Variants in ARHGEF12 observed in about 807,000 individuals in gnomAD.
ARHGEF12 encodes the protein Rho guanine nucleotide exchange factor 12, also known as KMT2A/ARHGEF12 fusion protein.
A neutral mutation model predicts 211.2 loss-of-function variants in ARHGEF12; 66 were observed. The observed-to-expected ratio is 0.31, with a 90% confidence interval of 0.26 to 0.38. The LOEUF (loss-of-function observed/expected upper bound fraction) is 0.38, where lower values mean the gene tolerates loss of function less well. ARHGEF12 is among the 10% of genes least tolerant of loss of function. The probability of loss-of-function intolerance (pLI) is 1.00; values close to 1 mark genes in which losing one functional copy is unlikely to be tolerated. For missense variants in ARHGEF12, 1,429 were observed against 1,869.5 expected (o/e 0.76, Z 4.34); for synonymous variants, 592 against 638.4 (o/e 0.93, Z 1.09).
At chr11:120,421,018 C>T (rs1426566962) in intron 5 of ARHGEF12, among the ~76,000 whole-genome samples, 167 bp downstream of exon 5, 2 of 152,276 alleles carry the variant, frequency 1.3e-5, no homozygotes, top group South Asian at 2.1e-4. Context: ...GAGTTTACTC[C>T]AGTTGATTTT....
At chr11:120,423,901 A>G (rs1945270312) in intron 6 of ARHGEF12, among the ~76,000 whole-genome samples, 1 of 152,224 alleles carries the variant, frequency 6.6e-6, no homozygotes, top group Non-Finnish European at 1.5e-5. Flanking sequence ...CGGTCTGAAA[A>G]TTAATTTTCT....
rs1345753333 is a variant in ARHGEF12, at chr11:120,488,067, T to C, written c.*2990T>C. On this transcript the variant is annotated 3_prime_UTR_variant, in exon 41 of 41. Transcript: ENST00000397843. ...GATGAATCCCCTTTTTAAAAAGTTG[T>C]TGTTGTTGTTGTTTATTTGATTTTG... 1 of 218,576 alleles carries C rather than the reference T, an allele frequency of 4.6e-6. No individual in the cohort carries two copies. Among genetic ancestry groups the C allele is most frequent in the East Asian group, 6.8e-5 (1 of 14,750 alleles). 13.5% of individuals were successfully genotyped at this position (218,576 alleles called of 1,614,324 possible). A position where few individuals can be genotyped will look rare whatever the true frequency, so the allele number is the denominator to read the frequency against.
At chr11:120,393,371 A>G (rs1256165578) in intron 1 of ARHGEF12, among the ~76,000 whole-genome samples, 1 of 152,236 alleles carries the variant, frequency 6.6e-6, no homozygotes, top group Non-Finnish European at 1.5e-5. Context: ...AAACACCCCA[A>G]TTAAATGTAT....
At chr11:120,474,748 G>A in intron 32 of ARHGEF12, 113 bp downstream of exon 32, 1 of 697,082 alleles carries the variant, frequency 1.4e-6, no homozygotes, top group Non-Finnish European at 2.4e-6. Context: ...AGTTTGCAGT[G>A]CTACCTCGTG....
Position 120,488,273 on chromosome 11 carries a change from G to A in ARHGEF12, c.*3196G>A, listed in dbSNP as rs1474902599. On this transcript the variant is annotated 3_prime_UTR_variant, in exon 41 of 41. Coordinates refer to ENST00000397843, the MANE Select transcript of ARHGEF12 (RefSeq NM_015313.3). ...AGTGGAAGCTTTCTTCTCTGAAGTC[G>A]ATATATGGTTTTGAATTACTAGAGC... The A allele has an allele frequency of 2.8e-5, 6 of 214,336 alleles. No homozygotes were observed. The highest frequency in any genetic ancestry group is 9.4e-6 in the Non-Finnish European group (1 of 106,222). The allele number at this position is 214,336 out of a possible 1,614,324, so 13.3% of individuals were successfully genotyped here. A position where few individuals can be genotyped will look rare whatever the true frequency, so the allele number is the denominator to read the frequency against.
At chr11:120,369,125 C>CTTTTTTTTTT (rs1183494101) in intron 1 of ARHGEF12, among the ~76,000 whole-genome samples, 2 of 127,292 alleles carry the variant, frequency 1.6e-5, no homozygotes, top group Non-Finnish European at 1.7e-5. Flanking sequence ...TTCTTTTCTT[C>CTTTTTTTTTT]TTTTTTTTTT....
intron 1 of ARHGEF12, among the ~76,000 whole-genome samples, chr11:120,384,718 A>G (rs1943977610): frequency 6.6e-6 from 1 of 152,200 alleles, no homozygotes; most frequent in Non-Finnish European, 1.5e-5. Context: ...ACAGAGTAGC[A>G]TGAAGAAATT....
intron 2 of ARHGEF12, among the ~76,000 whole-genome samples, chr11:120,406,714 A>T (rs1258051949): frequency 1.3e-5 from 2 of 152,044 alleles, no homozygotes. Flanking sequence ...GCCCGCCACC[A>T]CGCCTGGCTA....
chr11:120,428,631 TGATTGA>T (rs1945428624), intron 8 of ARHGEF12, among the ~76,000 whole-genome samples: 1 of 152,150 alleles, frequency 6.6e-6, no homozygotes, highest in African/African-American at 2.4e-5. Flanking sequence ...AAAGCTTTGT[TGATTGA>T]GATTAAGTCA....
chr11:120,440,239 T>C lies in ARHGEF12; in HGVS notation c.1092+18T>C. On this transcript the variant is annotated intron_variant, in intron 13 of 40. Coordinates refer to ENST00000397843, the MANE Select transcript of ARHGEF12 (RefSeq NM_015313.3). ...ATGAACAGGTGATGACTTTTTTCTT[T>C]CTAAAAAATAGATTGTTACTTTCTG... is the stretch of plus-strand genomic sequence containing the variant. 6.3e-7 allele frequency: 1 copy of C among 1,581,514 alleles called. No individual in the cohort carries two copies. The highest frequency in any genetic ancestry group is 8.6e-7 in the Non-Finnish European group (1 of 1,156,776).
Position 120,448,243 on chromosome 11 carries a change from G to A in ARHGEF12, c.1632G>A (p.Met544Ile). Reference sequence around the variant, plus strand: ...GTCCTTTCTCCTCCAGCTCCACCATGCAGTATGTTATTCTCATGTATATGA... The same window carrying A: ...GTCCTTTCTCCTCCAGCTCCACCATACAGTATGTTATTCTCATGTATATGA... ...QAVEEDKSST[M>I]QYVILMYMKH... Residue 544 changes from methionine (M) to isoleucine (I), a missense_variant, in exon 20 of 41, where the codon ATG becomes ATA. Met to Ile is a conservative substitution (Grantham distance 10). Coordinates refer to ENST00000397843, the MANE Select transcript of ARHGEF12 (RefSeq NM_015313.3). 6.2e-7 allele frequency: 1 copy of A among 1,612,676 alleles called. No homozygotes were observed. Among genetic ancestry groups the A allele is most frequent in the Non-Finnish European group, 8.5e-7 (1 of 1,178,934 alleles).
intron 35 of ARHGEF12, 60 bp from the exon 36 acceptor site, chr11:120,477,387 C>A: frequency 6.3e-7 from 1 of 1,578,304 alleles, no homozygotes; most frequent in Non-Finnish European, 8.6e-7. Context: ...TGTTTTGTTG[C>A]GATGATGTTT....
chr11:120,458,354 A>G, intron 25 of ARHGEF12, 120 bp downstream of exon 25: 2 of 1,145,114 alleles, frequency 1.7e-6, no homozygotes, highest in South Asian at 3.0e-5. Flanking sequence ...TTAAACAAAG[A>G]GGAAATTAAA....
At chr11:120,344,477 C>G (rs375631206) in intron 1 of ARHGEF12, among the ~76,000 whole-genome samples, 7 of 152,004 alleles carry the variant, frequency 4.6e-5, no homozygotes, top group African/African-American at 1.7e-4. Context: ...TGCCTATGTT[C>G]CAGACACAAG....
chr11:120,412,420 G>C (rs987710178), intron 4 of ARHGEF12, among the ~76,000 whole-genome samples: 2 of 152,362 alleles, frequency 1.3e-5, no homozygotes, highest in East Asian at 3.9e-4. Context: ...GAGGTTAGAA[G>C]ATCAAGATCA....
At chr11:120,447,584 C>T (rs1042015371) in intron 18 of ARHGEF12, among the ~76,000 whole-genome samples, 1 of 151,458 alleles carries the variant, frequency 6.6e-6, no homozygotes, top group Non-Finnish European at 1.5e-5. Flanking sequence ...TTTGGGAGGC[C>T]GAGCGGGCGG....
intron 1 of ARHGEF12, among the ~76,000 whole-genome samples, chr11:120,358,958 C>T (rs1002906831): frequency 6.6e-6 from 1 of 152,062 alleles, no homozygotes; most frequent in African/African-American, 2.4e-5. Context: ...GTGACTTACT[C>T]ATGCTGGTCA....
At chr11:120,427,078 A>T (rs1380772709) in intron 7 of ARHGEF12, among the ~76,000 whole-genome samples, 1 of 151,772 alleles carries the variant, frequency 6.6e-6, no homozygotes, top group Non-Finnish European at 1.5e-5. Flanking sequence ...GGGTTTCACC[A>T]TGTTAGCAAG....
chr11:120,464,665 A>G (rs1682483892), intron 27 of ARHGEF12: 2 of 152,184 alleles, frequency 1.3e-5, no homozygotes, highest in South Asian at 4.1e-4. Context: ...TGTGTAATTT[A>G]TAAGTAACGT....
Sources: allele counts gnomAD v4.1 joint callset (sites outside exome capture counted in the v4.1 genomes callset), GRCh38; gene constraint gnomAD v4.1.1; transcripts MANE v1.5; gene names NCBI Gene and HGNC (gene_info 2026-07-23, HGNC 2026-07-21).